The following PALLD variants were observed in gnomAD, a reference collection of about 807,000 sequenced individuals.
The protein encoded by PALLD is palladin, cytoskeletal associated protein.
A neutral mutation model predicts 123.5 loss-of-function variants in PALLD; 61 were observed. The observed-to-expected ratio is 0.49, with a 90% CI of 0.40 to 0.61. The LOEUF (loss-of-function observed/expected upper bound fraction) is 0.61, where lower values mean the gene tolerates loss of function less well. Ranked by LOEUF, PALLD falls within the 20% of genes least tolerant of loss-of-function variation. PALLD has a pLI of 0.00. For missense variants in PALLD, 1,273 were observed against 1,377.0 expected (o/e 0.92, Z 1.20); for synonymous variants, 465 against 496.4 (o/e 0.94, Z 0.84).
intron 14 of PALLD, among the ~76,000 whole-genome samples, chr4:168,900,544 C>G (rs1560885966): frequency 6.6e-6 from 1 of 152,008 alleles, no homozygotes; most frequent in Non-Finnish European, 1.5e-5. Context: ...AAAAAAATAC[C>G]TGACACTTTT....
intron 1 of PALLD, among the ~76,000 whole-genome samples, chr4:168,501,001 T>G (rs543378345): frequency 1.3e-5 from 2 of 152,224 alleles, no homozygotes; most frequent in Non-Finnish European, 2.9e-5. Context: ...TGTTCTATAT[T>G]TTATAGTATA....
intron 1 of PALLD, among the ~76,000 whole-genome samples, chr4:168,505,797 CATTA>C (rs1217231113): frequency 1.3e-5 from 2 of 152,198 alleles, no homozygotes; most frequent in African/African-American, 4.8e-5. Context: ...TCATCGTGAT[CATTA>C]ATTGCCTTTA....
chr4:168,617,545 T>C (rs866742441), intron 2 of PALLD, among the ~76,000 whole-genome samples: 28 of 152,218 alleles, frequency 1.8e-4, no homozygotes, highest in Admixed American at 7.2e-4. Context: ...TGCAACCTTA[T>C]GCAATCATTA....
At chr4:168,923,893 A>C (rs558251339) in intron 18 of PALLD, among the ~76,000 whole-genome samples, 1 of 150,048 alleles carries the variant, frequency 6.7e-6, no homozygotes, top group African/African-American at 2.4e-5. Context: ...AGGTGGCAGT[A>C]GTTGGTTGAG....
chr4:168,706,355 GT>G (rs1784232068), intron 8 of PALLD, among the ~76,000 whole-genome samples: 1 of 152,114 alleles, frequency 6.6e-6, no homozygotes, highest in Non-Finnish European at 1.5e-5. Context: ...AATAAACTAA[GT>G]TTTTCACACC....
chr4:168,785,846 G>GATAGATATATATATATATATAT (rs1554082460), intron 10 of PALLD, among the ~76,000 whole-genome samples: 3 of 80,898 alleles, frequency 3.7e-5, no homozygotes, highest in Non-Finnish European at 8.4e-5. Context: ...AAACTGTAGA[G>GATAGATATATATATATATATAT]ATATATATAT....
intron 16 of PALLD, among the ~76,000 whole-genome samples, chr4:168,915,496 T>C (rs920370954): frequency 2.0e-5 from 3 of 152,194 alleles, no homozygotes; most frequent in African/African-American, 7.2e-5. Context: ...TGAATTTTTA[T>C]CAGAACTTTT....
At chr4:168,851,360 C>G (rs1747750084) in intron 10 of PALLD, among the ~76,000 whole-genome samples, 1 of 152,100 alleles carries the variant, frequency 6.6e-6, no homozygotes, top group Non-Finnish European at 1.5e-5. Flanking sequence ...TCATTCCAAA[C>G]CTGTTTTTTG....
chr4:168,764,467 C>G (rs541056793), intron 10 of PALLD, among the ~76,000 whole-genome samples: 1 of 152,220 alleles, frequency 6.6e-6, no homozygotes, highest in Admixed American at 6.5e-5. Flanking sequence ...AGCACAATAG[C>G]TATTCACAGG....
intron 2 of PALLD, among the ~76,000 whole-genome samples, chr4:168,542,717 C>CATATATATATATATATATAT (rs70961531): frequency 2.2e-5 from 2 of 88,944 alleles, no homozygotes; most frequent in Admixed American, 1.1e-4. Context: ...CTAACCTTTC[C>CATATATATATATATATATAT]ATATATATAT....
intron 2 of PALLD, among the ~76,000 whole-genome samples, chr4:168,546,021 A>G (rs138609575): frequency 1.0e-3 from 157 of 152,254 alleles, no homozygotes; most frequent in African/African-American, 3.6e-3. Context: ...TTCCATTCTA[A>G]AAGAATGGAT....
intron 3 of PALLD, among the ~76,000 whole-genome samples, chr4:168,675,218 C>T (rs1018162301): frequency 9.9e-5 from 15 of 152,150 alleles, no homozygotes; most frequent in Non-Finnish European, 2.1e-4. Context: ...TGGATTAAAC[C>T]GGACCTTGTG....
In PALLD at chr4:168,511,993, C is replaced by T. The variant is rs762499637; in HGVS notation, c.489C>T (p.Gly163=). The T allele has an allele frequency of 2.5e-6, 4 of 1,614,196 alleles. No homozygotes were observed. The highest frequency in any genetic ancestry group is 1.1e-5 in the South Asian group (1 of 91,086). ...AAACGCCACATCAAAGAAAGGGTGG[C>T]CCCCAGAGCCAGCTGTGTGACAAGG... is the stretch of plus-strand genomic sequence containing the variant. ...KPKTPHQRKG[G]PQSQLCDKAA... Residue 163 remains glycine, a synonymous_variant, in exon 2 of 22, where the codon GGC becomes GGT. Coordinates refer to ENST00000505667, the MANE Select transcript of PALLD (RefSeq NM_001166108.2).
Position 168,508,738 on chromosome 4 carries a change from G to T in PALLD, c.-82-2685G>T, listed in dbSNP as rs566438246. Among the ~76,000 whole-genome samples, 31 of 152,036 alleles carry T rather than the reference G, an allele frequency of 2.0e-4. 1 individual carries two copies. The South Asian group carries it at 5.6e-3, about 28-fold the overall frequency. ...AAGAAATGCAATAAATGAAAATATAGTCTGTTGTGCCTTTGGTACACAAAC... is the reference window on the plus strand; with the variant it reads ...AAGAAATGCAATAAATGAAAATATATTCTGTTGTGCCTTTGGTACACAAAC... On this transcript the variant is annotated intron_variant, in intron 1 of 21. Coordinates refer to ENST00000505667, the MANE Select transcript of PALLD (RefSeq NM_001166108.2).
chr4:168,622,927 A>G (rs945657607), intron 2 of PALLD, among the ~76,000 whole-genome samples: 2 of 152,190 alleles, frequency 1.3e-5, no homozygotes, highest in Admixed American at 6.6e-5. Flanking sequence ...TTCCCCAGAG[A>G]CGCAGATTCC....
At chr4:168,578,291 A>T (rs959349692) in intron 2 of PALLD, among the ~76,000 whole-genome samples, 2 of 151,478 alleles carry the variant, frequency 1.3e-5, no homozygotes, top group African/African-American at 2.4e-5. Context: ...CCTAACGCTC[A>T]TCTTGAATTG....
intron 10 of PALLD, among the ~76,000 whole-genome samples, chr4:168,760,821 T>C (rs1346549091): frequency 6.6e-6 from 1 of 152,206 alleles, no homozygotes; most frequent in Non-Finnish European, 1.5e-5. Context: ...CTTATGCCTA[T>C]TGTTTTTCTT....
chr4:168,703,624 CATT>C (rs1486710383), intron 8 of PALLD, among the ~76,000 whole-genome samples: 1 of 131,330 alleles, frequency 7.6e-6, no homozygotes, highest in Non-Finnish European at 1.6e-5. Context: ...GATGGTATCT[CATT>C]GTGGTTTTGA....
At chr4:168,751,652 G>A (rs920763774) in intron 10 of PALLD, among the ~76,000 whole-genome samples, 1 of 152,114 alleles carries the variant, frequency 6.6e-6, no homozygotes, top group Non-Finnish European at 1.5e-5. Flanking sequence ...TTCACACCAG[G>A]GCACGGACTC....
Sources: allele counts gnomAD v4.1 joint callset (sites outside exome capture counted in the v4.1 genomes callset), GRCh38; gene constraint gnomAD v4.1.1; transcripts MANE v1.5; gene names NCBI Gene and HGNC (gene_info 2026-07-23, HGNC 2026-07-21).